EEF1AKMT1: variants seen among roughly 807,000 people sequenced by gnomAD.
EEF1AKMT1 encodes the protein N-6 adenine-specific DNA methyltransferase 2 (putative).
Under a neutral mutation model 21.0 loss-of-function variants are expected in EEF1AKMT1, and 18 were observed. The observed-to-expected ratio is 0.86, with a 90% confidence interval of 0.59 to 1.27. EEF1AKMT1 has a LOEUF of 1.27. Among genes scored for constraint, EEF1AKMT1 ranks in the 50% most tolerant of loss-of-function variants. The pLI, the probability that EEF1AKMT1 is intolerant of heterozygous loss-of-function variation, is 0.00. For synonymous variants in EEF1AKMT1, 109 were observed against 94.8 expected (o/e 1.15, Z -0.87); for missense variants, 246 against 258.6 (o/e 0.95, Z 0.33).
intron 3 of EEF1AKMT1, among the ~76,000 whole-genome samples, chr13:20,736,314 C>G (rs867485380): frequency 6.6e-6 from 1 of 152,168 alleles, no homozygotes; most frequent in Non-Finnish European, 1.5e-5. Context: ...CTGGAATGTG[C>G]TGTCCAACAA....
At chr13:20,730,808 A>C (rs946846222) in intron 4 of EEF1AKMT1, among the ~76,000 whole-genome samples, 2 of 152,332 alleles carry the variant, frequency 1.3e-5, no homozygotes, top group African/African-American at 4.8e-5. Flanking sequence ...AAACGAGGGA[A>C]TAAAAGCTGG....
At chr13:20,737,641 A>C (rs949534138) in intron 3 of EEF1AKMT1, 82 bp downstream of exon 3, 20 of 1,163,184 alleles carry the variant, frequency 1.7e-5, no homozygotes, top group Non-Finnish European at 2.5e-5. Context: ...TATAGTTCAG[A>C]CTTCTTACAA....
chr13:20,769,404 C>T (rs926717605), intron 1 of EEF1AKMT1: 1 of 152,248 alleles, frequency 6.6e-6, no homozygotes, highest in Non-Finnish European at 1.5e-5. Context: ...CTCCCTCTGG[C>T]TAAAGTGACC....
intron 4 of EEF1AKMT1, among the ~76,000 whole-genome samples, chr13:20,731,421 A>G (rs1362777136): frequency 1.3e-5 from 2 of 152,228 alleles, no homozygotes; most frequent in African/African-American, 2.4e-5. Flanking sequence ...GAAAAAAAGT[A>G]TAACGATCTC....
intron 2 of EEF1AKMT1, among the ~76,000 whole-genome samples, chr13:20,744,201 A>G (rs901081707): frequency 6.6e-6 from 1 of 152,164 alleles, no homozygotes; most frequent in Non-Finnish European, 1.5e-5. Flanking sequence ...TCCTTTGGGT[A>G]TATGCCTAGT....
At chr13:20,743,425 G>A (rs2141420631) in intron 2 of EEF1AKMT1, among the ~76,000 whole-genome samples, 1 of 151,122 alleles carries the variant, frequency 6.6e-6, no homozygotes, top group South Asian at 2.1e-4. Flanking sequence ...AATTTTGTGT[G>A]TGGATTATAA....
Position 20,731,802 on chromosome 13 carries a change from T to C in EEF1AKMT1, c.508+39A>G, listed in dbSNP as rs61955729. The C allele has an allele frequency of 0.017, 26,751 of 1,577,022 alleles. 290 individuals are homozygous for C. The highest frequency in any genetic ancestry group is 0.023 in the Middle Eastern group (132 of 5,684). On this transcript the variant is annotated intron_variant, in intron 4 of 4. Coordinates refer to ENST00000382758, the MANE Select transcript of EEF1AKMT1 (RefSeq NM_001318939.2). ...TGACCCTGAAGACCTGAATAGCCAC[T>C]GTCAGTGACTTTGATGAGATATGAA...
intron 2 of EEF1AKMT1, among the ~76,000 whole-genome samples, chr13:20,754,991 T>A (rs932745306): frequency 6.6e-6 from 1 of 152,146 alleles, no homozygotes; most frequent in Non-Finnish European, 1.5e-5. Context: ...TACTCAGGAT[T>A]CCAGGTGGGA....
At chr13:20,762,922 C>G (rs966926936) in intron 1 of EEF1AKMT1, among the ~76,000 whole-genome samples, 1 of 152,116 alleles carries the variant, frequency 6.6e-6, no homozygotes, top group Non-Finnish European at 1.5e-5. Flanking sequence ...TCAACTTATA[C>G]GATCATGTGA....
rs2059076871 is a variant in EEF1AKMT1, at chr13:20,773,923, G to C, written c.-22C>G. ...CTGCGCCCGAACCCGCCACTCACCA[G>C]CCGCGCGTGCGCAGTCGCCCAGACT... On this transcript the variant is annotated splice_region_variant and 5_prime_UTR_variant, in exon 1 of 5. Transcript: ENST00000382758. 6.6e-6 allele frequency: 1 copy of C among 152,526 alleles called. No homozygotes were observed. Among genetic ancestry groups the C allele is most frequent in the African/African-American group, 2.4e-5 (1 of 41,472 alleles). 9.4% of individuals were successfully genotyped at this position (152,526 alleles called of 1,614,324 possible). A position where few individuals can be genotyped will look rare whatever the true frequency, so the allele number is the denominator to read the frequency against.
intron 1 of EEF1AKMT1, among the ~76,000 whole-genome samples, chr13:20,770,571 A>G (rs1338347226): frequency 6.6e-6 from 1 of 152,210 alleles, no homozygotes; most frequent in Non-Finnish European, 1.5e-5. Context: ...AAAATTCCAA[A>G]GATTAGCTTG....
intron 1 of EEF1AKMT1, among the ~76,000 whole-genome samples, chr13:20,772,029 T>A (rs2059065432): frequency 6.6e-6 from 1 of 151,656 alleles, no homozygotes; most frequent in South Asian, 2.1e-4. Flanking sequence ...AAAAATTAAA[T>A]TAAATGAACC....
chr13:20,730,691 A>G (rs1396285031), intron 4 of EEF1AKMT1, among the ~76,000 whole-genome samples: 1 of 152,172 alleles, frequency 6.6e-6, no homozygotes, highest in Non-Finnish European at 1.5e-5. Flanking sequence ...AGAGGATTGT[A>G]AACACACCAA....
At chr13:20,772,318 T>C (rs1172405023) in intron 1 of EEF1AKMT1, among the ~76,000 whole-genome samples, 1 of 152,174 alleles carries the variant, frequency 6.6e-6, no homozygotes, top group Non-Finnish European at 1.5e-5. Flanking sequence ...TTGGACCTTA[T>C]GTGGCTCAGA....
At chr13:20,766,148 A>T (rs2059030385) in intron 1 of EEF1AKMT1, among the ~76,000 whole-genome samples, 1 of 151,928 alleles carries the variant, frequency 6.6e-6, no homozygotes, top group African/African-American at 2.4e-5. Flanking sequence ...AAATACAAAA[A>T]AATTAGCTGG....
chr13:20,765,974 T>A (rs1286311661), intron 1 of EEF1AKMT1, among the ~76,000 whole-genome samples: 3 of 151,948 alleles, frequency 2.0e-5, no homozygotes, highest in Non-Finnish European at 4.4e-5. Flanking sequence ...TAACATCAAG[T>A]AGGCATATAT....
chr13:20,749,837 T>C (rs186179291), intron 2 of EEF1AKMT1, among the ~76,000 whole-genome samples: 150 of 152,334 alleles, frequency 9.8e-4, no homozygotes, highest in African/African-American at 3.4e-3. Flanking sequence ...TAACTCATAG[T>C]CCGAAGACTT....
chr13:20,732,156 T>G (rs781531862), intron 3 of EEF1AKMT1, 35 bp from the exon 4 acceptor site: 2 of 1,570,130 alleles, frequency 1.3e-6, no homozygotes, highest in East Asian at 4.5e-5. Flanking sequence ...TGAAACATCC[T>G]TAACAGAGAG....
chr13:20,730,651 T>G (rs1339110967), intron 4 of EEF1AKMT1, among the ~76,000 whole-genome samples: 2 of 152,072 alleles, frequency 1.3e-5, no homozygotes, highest in African/African-American at 2.4e-5. Flanking sequence ...CTGGGTCTAG[T>G]GGGGACTTGG....
Sources: allele counts gnomAD v4.1 joint callset (sites outside exome capture counted in the v4.1 genomes callset), GRCh38; gene constraint gnomAD v4.1.1; transcripts MANE v1.5; gene names NCBI Gene and HGNC (gene_info 2026-07-23, HGNC 2026-07-21).